Variants in C10orf90 observed in about 807,000 individuals in gnomAD.
The protein encoded by C10orf90 is (E2-independent) E3 ubiquitin-conjugating enzyme FATS.
Under a neutral mutation model 62.5 loss-of-function variants are expected in C10orf90, and 56 were observed. The observed-to-expected ratio is 0.90, with a 90% CI of 0.72 to 1.12. The LOEUF (loss-of-function observed/expected upper bound fraction) is 1.12, where lower values mean the gene tolerates loss of function less well. C10orf90 is among the 50% of genes most tolerant of loss of function. The pLI is 0.00. For missense variants in C10orf90, 970 were observed against 880.4 expected (o/e 1.10, Z -1.29); for synonymous variants, 386 against 340.4 (o/e 1.13, Z -1.47).
intron 2 of C10orf90, among the ~76,000 whole-genome samples, chr10:126,523,977 T>C (rs913385085): frequency 2.0e-5 from 3 of 152,224 alleles, no homozygotes; most frequent in African/African-American, 4.8e-5. Context: ...CATCCATCAG[T>C]GGACACTAGT....
At chr10:126,574,945 C>T (rs1172597417) in intron 2 of C10orf90, among the ~76,000 whole-genome samples, 5 of 152,044 alleles carry the variant, frequency 3.3e-5, no homozygotes, top group African/African-American at 4.8e-5. Flanking sequence ...CTCTGAGCTT[C>T]AGGGATAAGA....
intron 2 of C10orf90, among the ~76,000 whole-genome samples, chr10:126,526,524 G>A (rs1863952126): frequency 6.6e-6 from 1 of 152,160 alleles, no homozygotes; most frequent in Non-Finnish European, 1.5e-5. Context: ...GATTACAGGT[G>A]TGAGCCACCG....
At chr10:126,661,327 A>T (rs953671556) in intron 1 of C10orf90, among the ~76,000 whole-genome samples, 2 of 152,336 alleles carry the variant, frequency 1.3e-5, no homozygotes, top group African/African-American at 4.8e-5. Context: ...TATATAGGTT[A>T]TCTCTTTTAA....
intron 4 of C10orf90, among the ~76,000 whole-genome samples, chr10:126,468,353 C>T (rs891709911): frequency 1.1e-4 from 16 of 152,216 alleles, no homozygotes; most frequent in African/African-American, 3.4e-4. Flanking sequence ...AGGCGTGAGC[C>T]GCCGCGCCTG....
intron 1 of C10orf90, among the ~76,000 whole-genome samples, chr10:126,668,701 C>A (rs1208766364): frequency 6.6e-6 from 1 of 152,128 alleles, no homozygotes; most frequent in Non-Finnish European, 1.5e-5. Flanking sequence ...CTTGGGGAGT[C>A]ATGGACACAG....
At chr10:126,473,777 C>T (rs914168029) in intron 4 of C10orf90, among the ~76,000 whole-genome samples, 1 of 152,042 alleles carries the variant, frequency 6.6e-6, no homozygotes, top group Admixed American at 6.5e-5. Flanking sequence ...TGCGTGGTAG[C>T]ATAGAGCACA....
chr10:126,454,056 G>A (rs1203035928), intron 7 of C10orf90, among the ~76,000 whole-genome samples: 1 of 152,048 alleles, frequency 6.6e-6, no homozygotes, highest in East Asian at 1.9e-4. Context: ...TCGAGGAGCT[G>A]CAGTGGGCAC....
chr10:126,615,434 A>G (rs1237401810), intron 2 of C10orf90, among the ~76,000 whole-genome samples: 1 of 152,174 alleles, frequency 6.6e-6, no homozygotes, highest in Admixed American at 6.5e-5. Flanking sequence ...ACACCAAGTT[A>G]TTTTACTTGT....
rs755416967 is a variant in C10orf90 at position 126,461,470 on chromosome 10, T to G, written c.1941A>C (p.Ala647=). The G allele has an allele frequency of 6.2e-7, 1 of 1,614,174 alleles. No homozygotes were observed. The highest frequency in any genetic ancestry group is 8.5e-7 in the Non-Finnish European group (1 of 1,180,012). ...AGTCTTCGGACAGGCCAGGGCTCCC[T>G]GCTCCATCGCGGGGTGCTGGCGAGG... ...AAPSPAPRDG[A]GSPGLSEDCS... Residue 647 remains alanine, a synonymous_variant, in exon 6 of 10, where the codon GCA becomes GCC. Transcript: ENST00000488181.
chr10:126,665,596 C>T (rs890232739), intron 1 of C10orf90, among the ~76,000 whole-genome samples: 3 of 152,092 alleles, frequency 2.0e-5, no homozygotes, highest in Admixed American at 1.3e-4. Flanking sequence ...ACCAGACAAC[C>T]GCTAGGAAAC....
chr10:126,426,142 G>A (rs769036107), intron 8 of C10orf90, 52 bp from the exon 9 acceptor site: 19 of 1,398,298 alleles, frequency 1.4e-5, no homozygotes, highest in African/African-American at 7.1e-5. Flanking sequence ...GCGTGCTCCC[G>A]CTGTGGGGCT....
intron 2 of C10orf90, among the ~76,000 whole-genome samples, chr10:126,588,617 A>G (rs1431566870): frequency 6.6e-6 from 1 of 152,200 alleles, no homozygotes; most frequent in African/African-American, 2.4e-5. Context: ...GACTATTAAA[A>G]GAAAAGAAAA....
At chr10:126,658,873 G>T (rs781408369) in intron 1 of C10orf90, among the ~76,000 whole-genome samples, 1 of 152,148 alleles carries the variant, frequency 6.6e-6, no homozygotes, top group African/African-American at 2.4e-5. Context: ...GATTACAAGC[G>T]TGAGCCATTG....
At chr10:126,513,593 G>A (rs1404555727) in intron 3 of C10orf90, among the ~76,000 whole-genome samples, 1 of 152,018 alleles carries the variant, frequency 6.6e-6, no homozygotes, top group African/African-American at 2.4e-5. Context: ...CTCTTTCTAT[G>A]TCTCTCTCTA....
chr10:126,642,212 G>T (rs1846071670), intron 2 of C10orf90, among the ~76,000 whole-genome samples: 1 of 152,144 alleles, frequency 6.6e-6, no homozygotes. Flanking sequence ...TTGATGGCAA[G>T]GTCAACGCTG....
Position 126,640,486 on chromosome 10 carries a change from G to A in C10orf90, c.313+6079C>T, listed in dbSNP as rs540232755. 2.6e-5 allele frequency among the ~76,000 whole-genome samples: 4 copies of A among 152,232 alleles called. No homozygotes were observed. The East Asian group carries it at 7.7e-4, about 29-fold the overall frequency. ...ACCACTTCTCCCTGCTGATCCCTGA[G>A]CTTGGAAACATAGAGATGAGAAAAT... On this transcript the variant is annotated intron_variant, in intron 2 of 9. Coordinates refer to ENST00000488181, the MANE Select transcript of C10orf90 (RefSeq NM_001350921.2).
At chr10:126,505,991 A>T (rs1024440518) in intron 3 of C10orf90, among the ~76,000 whole-genome samples, 2 of 152,174 alleles carry the variant, frequency 1.3e-5, no homozygotes, top group Non-Finnish European at 2.9e-5. Flanking sequence ...CAATCAAAAA[A>T]AATCAAATGC....
intron 2 of C10orf90, among the ~76,000 whole-genome samples, chr10:126,533,324 T>C (rs559383966): frequency 4.8e-4 from 73 of 152,330 alleles, no homozygotes; most frequent in Admixed American, 1.2e-3. Context: ...GATAATATGC[T>C]TGTGCTTAAA....
rs796412839 is a variant in C10orf90 at position 126,575,470 on chromosome 10, G to A, written c.314-61531C>T. 4.6e-5 allele frequency among the ~76,000 whole-genome samples: 7 copies of A among 151,624 alleles called. 1 individual carries two copies. Among genetic ancestry groups the A allele is most frequent in the African/African-American group, 1.5e-4 (6 of 41,318 alleles). ...GACACCCCATGCTCATGGATCAGAA[G>A]AATTAATATTATTAAAATGACAATA... On this transcript the variant is annotated intron_variant, in intron 2 of 9. Coordinates refer to ENST00000488181, the MANE Select transcript of C10orf90 (RefSeq NM_001350921.2).
Sources: gnomAD v4.1 joint callset for allele counts (sites outside exome capture counted in the v4.1 genomes callset) on GRCh38, gnomAD v4.1.1 for gene constraint, MANE v1.5 for transcripts, NCBI Gene and HGNC (gene_info 2026-07-23, HGNC 2026-07-21) for gene names.